Variants in PAPLN observed in about 807,000 individuals in gnomAD.
PAPLN encodes papilin.
Under a neutral mutation model 159.0 loss-of-function variants are expected in PAPLN, and 146 were observed. That is an observed-to-expected ratio of 0.92 (90% CI 0.80 to 1.05). The LOEUF is 1.05. PAPLN is among the 50% of genes least tolerant of loss of function. PAPLN has a pLI of 0.00. For synonymous variants in PAPLN, 734 were observed against 702.9 expected (o/e 1.04, Z -0.70); for missense variants, 1,720 against 1,743.9 (o/e 0.99, Z 0.24).
rs1036053807 is a variant in PAPLN at position 73,274,524 on chromosome 14, CTTTT to C, written c.*1863_*1866del. The C allele has an allele frequency of 6.6e-6, 1 of 152,124 alleles. No individual in the cohort carries two copies. The highest frequency in any genetic ancestry group is 2.4e-5 in the African/African-American group (1 of 41,428). 9.4% of individuals were successfully genotyped at this position (152,124 alleles called of 1,614,324 possible). On this transcript the variant is annotated 3_prime_UTR_variant, in exon 27 of 27. Coordinates refer to ENST00000644200, the MANE Select transcript of PAPLN (RefSeq NM_001365906.3). ...AGGAAATGTGGGCTGGGGCAGAGGTCTTTTTTCATTTAATACTGGAAAAATATTG... is the reference window on the plus strand; with the variant it reads ...AGGAAATGTGGGCTGGGGCAGAGGTCTTCATTTAATACTGGAAAAATATTG...
chr14:73,264,460 C>T (rs1887002629), intron 21 of PAPLN, 125 bp downstream of exon 21: 3 of 1,521,610 alleles, frequency 2.0e-6, no homozygotes, highest in Admixed American at 4.1e-5. Context: ...GAGTCAATTC[C>T]TCCTGCTGGC....
At position 73,245,099 on chromosome 14, in the gene PAPLN, G is replaced by C. The variant is rs148614085; in HGVS notation, c.170+340G>C. 6.9e-3 allele frequency: 1,631 copies of C among 236,798 alleles called. 15 individuals carry two copies. Among genetic ancestry groups the C allele is most frequent in the South Asian group, 0.019 (281 of 14,976 alleles). 14.7% of individuals were successfully genotyped at this position (236,798 alleles called of 1,614,324 possible). A position where few individuals can be genotyped will look rare whatever the true frequency, so the allele number is the denominator to read the frequency against. Reference sequence around the variant, plus strand: ...TCCCAATTCCTGTGGTTTCTTTACCGAGTACAGATGTTCCCCACTTCAAGC... The same window carrying C: ...TCCCAATTCCTGTGGTTTCTTTACCCAGTACAGATGTTCCCCACTTCAAGC... On this transcript the variant is annotated intron_variant, in intron 3 of 26. Transcript: ENST00000644200. This position sits in a 1 kb window ranked among gnomAD's most constrained non-coding sequence, Gnocchi z 4.2.
At chr14:73,251,344 C>A in intron 7 of PAPLN, 142 bp from the exon 8 acceptor site, 1 of 1,003,700 alleles carries the variant, frequency 1.0e-6, no homozygotes, top group Non-Finnish European at 1.4e-6. Context: ...CCAGGGTTGC[C>A]TTTCCCAGCA....
intron 14 of PAPLN, among the ~76,000 whole-genome samples, chr14:73,257,753 C>CTTTTTTTTTTTTTTTTTTTTTTTTT (rs562890068): frequency 2.2e-5 from 2 of 91,240 alleles, no homozygotes; most frequent in East Asian, 4.9e-4. Context: ...TCTCTTTCTT[C>CTTTTTTTTTTTTTTTTTTTTTTTTT]TTTTTTTTTT....
In PAPLN at chr14:73,259,503, C is replaced by A; in HGVS notation, c.1943C>A (p.Pro648His). 6.2e-7 allele frequency: 1 copy of A among 1,601,058 alleles called. No individual in the cohort carries two copies. Among genetic ancestry groups the A allele is most frequent in the Non-Finnish European group, 8.5e-7 (1 of 1,173,664 alleles). The change falls in exon 16 of 27, where the codon CCT (proline) becomes CAT (histidine). Residue 648 changes from proline to histidine, a missense_variant. Transcript: ENST00000644200. ...CPDGHTASLG[P>H]QWQGCPGAPC... The stretch of plus-strand genomic sequence containing the variant: ...GATGGCCACACGGCATCTCTCGGGC[C>A]TCAGTGGCAAGGCTGCCCTGGGGCC...
intron 25 of PAPLN, among the ~76,000 whole-genome samples, chr14:73,268,060 G>C (rs531575672): frequency 6.6e-6 from 1 of 151,712 alleles, no homozygotes; most frequent in African/African-American, 2.4e-5. Flanking sequence ...CAGTCTTTAC[G>C]TGACCTGTAG....
intron 7 of PAPLN, 56 bp downstream of exon 7, chr14:73,251,086 C>A: frequency 6.4e-7 from 1 of 1,568,590 alleles, no homozygotes; most frequent in Non-Finnish European, 8.6e-7. Flanking sequence ...CCTGTCCCTT[C>A]CTTGCCTGTC....
At chr14:73,250,805 C>G (rs1885159982) in intron 6 of PAPLN, 102 bp from the exon 7 acceptor site, 2 of 1,390,382 alleles carry the variant, frequency 1.4e-6, no homozygotes, top group Non-Finnish European at 1.9e-6. Flanking sequence ...ACCACCCTAT[C>G]CTGCCTGGGC....
At chr14:73,268,075 G>A (rs1385953323) in intron 25 of PAPLN, among the ~76,000 whole-genome samples, 1 of 151,708 alleles carries the variant, frequency 6.6e-6, no homozygotes, top group Non-Finnish European at 1.5e-5. Flanking sequence ...CTGTAGTGTC[G>A]TTCTGCTTGC....
Position 73,258,961 on chromosome 14 carries a change from C to T in PAPLN, c.1628-18C>T. 6.3e-7 allele frequency: 1 copy of T among 1,598,938 alleles called. No homozygotes were observed. The highest frequency in any genetic ancestry group is 8.5e-7 in the Non-Finnish European group (1 of 1,172,526). ...TTCCTCCCTCTCCGTCCCACATGGA[C>T]CTCCCGGCTCCCTGCAGAGGTCCCC... On this transcript the variant is annotated intron_variant, in intron 14 of 26. Coordinates refer to ENST00000644200, the MANE Select transcript of PAPLN (RefSeq NM_001365906.3).
intron 2 of PAPLN, 69 bp downstream of exon 2, chr14:73,239,901 C>G (rs555717637): frequency 8.1e-6 from 12 of 1,481,524 alleles, no homozygotes; most frequent in East Asian, 7.8e-5. Context: ...CGCGCGGGCC[C>G]GCAGGCAACG....
In PAPLN at chr14:73,250,090, T is replaced by A; in HGVS notation, c.441T>A (p.Asp147Glu). ...DGTPCEPGKR[D>E]VCVDGSCRVV... ...CGCCCTGCGAGCCTGGCAAGAGGGATGTCTGTGTGGATGGCAGCTGCCGGG... is the reference window on the plus strand; with the variant it reads ...CGCCCTGCGAGCCTGGCAAGAGGGAAGTCTGTGTGGATGGCAGCTGCCGGG... Residue 147 changes from aspartate to glutamate, a missense_variant, in exon 6 of 27, where the codon GAT (aspartate) becomes GAA (glutamate). Transcript: ENST00000644200. 6.2e-7 allele frequency: 1 copy of A among 1,611,634 alleles called. No homozygotes were observed. The highest frequency in any genetic ancestry group is 8.5e-7 in the Non-Finnish European group (1 of 1,178,964).
intron 17 of PAPLN, 122 bp downstream of exon 17, chr14:73,260,951 G>A (rs1038485850): frequency 7.0e-6 from 10 of 1,426,830 alleles, no homozygotes; most frequent in Middle Eastern, 1.9e-4. Flanking sequence ...AAATCTGCTG[G>A]CCTGGGTCAT....
intron 22 of PAPLN, 106 bp downstream of exon 22, chr14:73,264,832 C>A: frequency 6.5e-7 from 1 of 1,546,520 alleles, no homozygotes; most frequent in Non-Finnish European, 8.7e-7. Context: ...CCTTGCCAGC[C>A]CCTGCTCAGG....
chr14:73,267,855 T>C (rs1887372581), intron 25 of PAPLN, among the ~76,000 whole-genome samples: 1 of 152,174 alleles, frequency 6.6e-6, no homozygotes, highest in South Asian at 2.1e-4. Flanking sequence ...CCACCTTCCA[T>C]TGAGCCTCTA....
In PAPLN at chr14:73,245,010, G is replaced by A. The variant is rs553420806; in HGVS notation, c.170+251G>A. ...GGTCTCCAGCTCCTGATGCTGCACC[G>A]GCCTGCAGTATGGCAGGTGCAGTCA... On this transcript the variant is annotated intron_variant, in intron 3 of 26. Transcript: ENST00000644200. This position sits in a 1 kb window ranked among gnomAD's most constrained non-coding sequence, Gnocchi z 4.2. 13 of 390,832 alleles carry A rather than the reference G, an allele frequency of 3.3e-5. No homozygotes were observed. In the Admixed American group the frequency reaches 4.2e-4, roughly 13 times the overall value. 24.2% of individuals were successfully genotyped at this position (390,832 alleles called of 1,614,324 possible). A position where few individuals can be genotyped will look rare whatever the true frequency, so the allele number is the denominator to read the frequency against.
rs770042388 is a variant in PAPLN at position 73,251,499 on chromosome 14, C to A, written c.603C>A (p.Ile201=). ...CTCTGCCCCCAGGCTACAACCAGAT[C>A]CTCATAGTTCCCATGGGTGCCACCA... The part of the protein sequence containing the change: ...ANDLSRGYNQ[I]LIVPMGATSI... Residue 201 remains isoleucine (I), a synonymous_variant, in exon 8 of 27, where the codon ATC becomes ATA. Coordinates refer to ENST00000644200, the MANE Select transcript of PAPLN (RefSeq NM_001365906.3). The A allele has an allele frequency of 1.7e-5, 27 of 1,608,130 alleles. No homozygotes were observed. Among genetic ancestry groups the A allele is most frequent in the Non-Finnish European group, 2.1e-5 (25 of 1,179,856 alleles).
Position 73,272,773 on chromosome 14 carries a change from G to A in PAPLN, c.*109G>A, listed in dbSNP as rs1887854164. The stretch of plus-strand genomic sequence containing the variant: ...TGGCTGGCAAAGGGAGTTATCTTCT[G>A]GAATACATTAGCTCTTTCAAAAACC... On this transcript the variant is annotated 3_prime_UTR_variant, in exon 27 of 27. Coordinates refer to ENST00000644200, the MANE Select transcript of PAPLN (RefSeq NM_001365906.3). The A allele has an allele frequency of 8.0e-7, 1 of 1,249,122 alleles. No homozygotes were observed. The highest frequency in any genetic ancestry group is 1.1e-6 in the Non-Finnish European group (1 of 944,146). 77.4% of individuals were successfully genotyped at this position (1,249,122 alleles called of 1,614,324 possible).
In PAPLN at chr14:73,265,620, G is replaced by T. The variant is rs1438128970; in HGVS notation, c.3263+113G>T. 6.9e-7 allele frequency: 1 copy of T among 1,450,052 alleles called. No homozygotes were observed. Among genetic ancestry groups the T allele is most frequent in the Non-Finnish European group, 9.3e-7 (1 of 1,079,164 alleles). The allele number at this position is 1,450,052 out of a possible 1,614,324, so 89.8% of individuals were successfully genotyped here. Reference sequence around the variant, plus strand: ...GCATGGTCATGGCCAGTCCTGAGCCGGACTCCAGGGCCTCTTGAGAGATGG... The same window carrying T: ...GCATGGTCATGGCCAGTCCTGAGCCTGACTCCAGGGCCTCTTGAGAGATGG... On this transcript the variant is annotated intron_variant, in intron 23 of 26. Coordinates refer to ENST00000644200, the MANE Select transcript of PAPLN (RefSeq NM_001365906.3). This position sits in a 1 kb window ranked among gnomAD's most constrained non-coding sequence, Gnocchi z 4.1.
Sources: gnomAD v4.1 joint callset for allele counts (sites outside exome capture counted in the v4.1 genomes callset) on GRCh38, gnomAD v4.1.1 for gene constraint, Gnocchi (gnomAD v3.1) non-coding constraint, MANE v1.5 for transcripts, NCBI Gene and HGNC (gene_info 2026-07-23, HGNC 2026-07-21) for gene names.